The following CAMK1D variants were observed in gnomAD, a reference collection of about 807,000 sequenced individuals.
CAMK1D encodes calcium/calmodulin dependent protein kinase ID, also known as calcium/calmodulin-dependent protein kinase type 1D.
CAMK1D carries 9 observed loss-of-function variants against 47.7 expected under a neutral mutation model. The ratio of observed to expected loss-of-function variants is 0.19; its 90% confidence interval spans 0.11 to 0.33. The LOEUF (loss-of-function observed/expected upper bound fraction) is 0.33. CAMK1D is among the 10% of genes least tolerant of loss of function. The pLI is 1.00. For synonymous variants in CAMK1D, 184 were observed against 184.9 expected (o/e 0.99, Z 0.04); for missense variants, 291 against 488.7 (o/e 0.60, Z 3.81).
intron 4 of CAMK1D, among the ~76,000 whole-genome samples, 167 bp downstream of exon 4, chr10:12,761,253 C>T (rs913705837): frequency 1.3e-5 from 2 of 152,180 alleles, no homozygotes; most frequent in African/African-American, 4.8e-5. Context: ...GGGATCCAGA[C>T]CCAGAAGTAT....
Position 12,819,288 on chromosome 10 carries a change from C to T in CAMK1D, c.833+2960C>T, listed in dbSNP as rs146755497. 2.3e-3 allele frequency among the ~76,000 whole-genome samples: 344 copies of T among 152,296 alleles called. 2 individuals are homozygous for T. The highest frequency in any genetic ancestry group is 7.7e-3 in the African/African-American group (322 of 41,580). On this transcript the variant is annotated intron_variant, in intron 8 of 10. Coordinates refer to ENST00000619168, the MANE Select transcript of CAMK1D (RefSeq NM_153498.4). Reference sequence around the variant, plus strand: ...GAGGAGGGAATTCCAGGCAGATGAGCGTCTGGGCATACAACACGGGAGCTT... The same window carrying T: ...GAGGAGGGAATTCCAGGCAGATGAGTGTCTGGGCATACAACACGGGAGCTT...
At chr10:12,629,609 C>T (rs944666239) in intron 2 of CAMK1D, among the ~76,000 whole-genome samples, 6 of 152,172 alleles carry the variant, frequency 3.9e-5, no homozygotes, top group African/African-American at 7.2e-5. Context: ...CAGACAAGGA[C>T]GTGTTCTCCA....
intron 8 of CAMK1D, among the ~76,000 whole-genome samples, chr10:12,820,836 C>T (rs1474429385): frequency 5.3e-5 from 8 of 152,210 alleles, no homozygotes; most frequent in Admixed American, 5.2e-4. Flanking sequence ...GCTCAGGTCC[C>T]AACAGGCTGC....
chr10:12,607,190 T>C (rs1838487709), intron 2 of CAMK1D, among the ~76,000 whole-genome samples: 1 of 152,186 alleles, frequency 6.6e-6, no homozygotes, highest in African/African-American at 2.4e-5. Flanking sequence ...CACCTGCCAG[T>C]GGAGTGAATG....
chr10:12,556,899 AAGC>A (rs1836779392), intron 2 of CAMK1D, among the ~76,000 whole-genome samples: 1 of 152,206 alleles, frequency 6.6e-6, no homozygotes, highest in Non-Finnish European at 1.5e-5. Context: ...AGAAATGAAG[AAGC>A]AGCACATTAA....
chr10:12,707,686 C>T (rs997195769), intron 3 of CAMK1D, among the ~76,000 whole-genome samples: 4 of 152,192 alleles, frequency 2.6e-5, no homozygotes, highest in Admixed American at 2.6e-4. Flanking sequence ...ATGATAGTTT[C>T]TTGTCTCTAA....
chr10:12,371,499 C>T (rs1437140302), intron 1 of CAMK1D, among the ~76,000 whole-genome samples: 2 of 151,200 alleles, frequency 1.3e-5, no homozygotes, highest in Admixed American at 6.6e-5. Flanking sequence ...TGGCGTGAAC[C>T]CAGTAGGCGG....
chr10:12,360,674 C>T (rs116655162), intron 1 of CAMK1D, among the ~76,000 whole-genome samples: 1,532 of 152,208 alleles, frequency 0.01, 17 homozygotes, highest in African/African-American at 0.035. Context: ...GAAGTAATTT[C>T]GTCCCGGGAG....
intron 2 of CAMK1D, among the ~76,000 whole-genome samples, chr10:12,621,866 C>T (rs1839009516): frequency 6.6e-6 from 1 of 151,952 alleles, no homozygotes; most frequent in Admixed American, 6.6e-5. Flanking sequence ...GGGTGTTAAC[C>T]TTCTATGTTA....
At chr10:12,626,844 A>G (rs951158133) in intron 2 of CAMK1D, among the ~76,000 whole-genome samples, 40 of 152,148 alleles carry the variant, frequency 2.6e-4, no homozygotes, top group Non-Finnish European at 4.0e-4. Flanking sequence ...AACATCATCT[A>G]CTGATGTTGT....
At chr10:12,709,761 T>C (rs1451591982) in intron 3 of CAMK1D, among the ~76,000 whole-genome samples, 1 of 152,220 alleles carries the variant, frequency 6.6e-6, no homozygotes, top group Non-Finnish European at 1.5e-5. Flanking sequence ...AAATTTATGA[T>C]TTAATCAGCT....
chr10:12,667,464 T>A (rs538101645), intron 3 of CAMK1D, among the ~76,000 whole-genome samples: 2 of 152,344 alleles, frequency 1.3e-5, no homozygotes, highest in South Asian at 2.1e-4. Flanking sequence ...AATGCATTTT[T>A]AAAAATTTAG....
chr10:12,755,541 G>A (rs900263889), intron 3 of CAMK1D, among the ~76,000 whole-genome samples: 1 of 152,114 alleles, frequency 6.6e-6, no homozygotes, highest in Non-Finnish European at 1.5e-5. Flanking sequence ...TGGGTTAAAT[G>A]GTATTTCTAG....
chr10:12,829,166 TCCC>T lies in CAMK1D; in HGVS notation c.*281_*283del. The T allele has an allele frequency of 3.0e-6, 1 of 336,072 alleles. No homozygotes were observed. Among genetic ancestry groups the T allele is most frequent in the African/African-American group, 2.2e-5 (1 of 46,244 alleles). The allele number at this position is 336,072 out of a possible 1,614,324, so 20.8% of individuals were successfully genotyped here. On this transcript the variant is annotated 3_prime_UTR_variant, in exon 11 of 11. Coordinates refer to ENST00000619168, the MANE Select transcript of CAMK1D (RefSeq NM_153498.4). ...AACTGAACGGACCTTCTTATTCCTC[TCCC>T]CTAACACCATCGTTTCCACTCTTCT...
At chr10:12,638,916 C>T (rs573226513) in intron 2 of CAMK1D, among the ~76,000 whole-genome samples, 63 of 152,326 alleles carry the variant, frequency 4.1e-4, no homozygotes, top group African/African-American at 1.2e-3. Flanking sequence ...CACTTCTCTC[C>T]GCATCCTTGT....
In CAMK1D at chr10:12,629,778, A is replaced by T. The variant is rs540826103; in HGVS notation, c.225-36958A>T. ...GCCATTGTTTCCTCGTAGCATCCTC[A>T]AAAGCAAGGGGTTCTGGATACAGAA... On this transcript the variant is annotated intron_variant, in intron 2 of 10. Coordinates refer to ENST00000619168, the MANE Select transcript of CAMK1D (RefSeq NM_153498.4). Among the ~76,000 whole-genome samples the T allele has an allele frequency of 8.5e-5, 13 of 152,330 alleles. No homozygotes were observed. In the South Asian group the frequency reaches 1.9e-3, roughly 22 times the overall value.
chr10:12,690,495 AG>A (rs926381508), intron 3 of CAMK1D, among the ~76,000 whole-genome samples: 1 of 152,116 alleles, frequency 6.6e-6, no homozygotes, highest in African/African-American at 2.4e-5. Flanking sequence ...AATATTTATG[AG>A]GGGGGTCAAG....
chr10:12,612,018 G>C (rs529498214), intron 2 of CAMK1D, among the ~76,000 whole-genome samples: 1 of 152,350 alleles, frequency 6.6e-6, no homozygotes, highest in East Asian at 1.9e-4. Context: ...GAACTTGCTG[G>C]ACACGGTAGA....
At chr10:12,538,966 TCAAA>T (rs991411350) in intron 1 of CAMK1D, among the ~76,000 whole-genome samples, 3 of 150,628 alleles carry the variant, frequency 2.0e-5, no homozygotes, top group Non-Finnish European at 4.4e-5. Context: ...AGGCCTTGTC[TCAAA>T]CAAGACAGGT....
Sources: allele counts gnomAD v4.1 joint callset (sites outside exome capture counted in the v4.1 genomes callset), GRCh38; gene constraint gnomAD v4.1.1; transcripts MANE v1.5; gene names NCBI Gene and HGNC (gene_info 2026-07-23, HGNC 2026-07-21).